Variants in BMP7 observed in about 807,000 individuals in gnomAD.
BMP7 encodes the protein bone morphogenetic protein 7, also known as osteogenic protein 1.
In BMP7, 12 loss-of-function variants were observed where a neutral mutation model predicts 41.2. The observed-to-expected ratio is 0.29, with a 90% CI of 0.19 to 0.47. The LOEUF is 0.47. Among genes scored for constraint, BMP7 ranks in the 20% least tolerant of loss-of-function variants. The pLI is 0.99. For synonymous variants in BMP7, 248 were observed against 250.0 expected (o/e 0.99, Z 0.07); for missense variants, 467 against 606.0 (o/e 0.77, Z 2.41).
chr20:57,177,867 C>G (rs1983969475), intron 4 of BMP7: 1 of 152,186 alleles, frequency 6.6e-6, no homozygotes. Flanking sequence ...GGCCTGCATG[C>G]CTTGTGGAGT....
At chr20:57,234,997 A>G (rs1374548216) in intron 1 of BMP7, among the ~76,000 whole-genome samples, 1 of 152,250 alleles carries the variant, frequency 6.6e-6, no homozygotes, top group East Asian at 1.9e-4. Flanking sequence ...ATTTATTACC[A>G]GCTCCGAAGT....
chr20:57,194,627 A>T (rs1281145959), intron 3 of BMP7, among the ~76,000 whole-genome samples: 2 of 152,228 alleles, frequency 1.3e-5, no homozygotes, highest in South Asian at 4.1e-4. Context: ...TTCTGGGTAC[A>T]GTTGATTCCA....
In BMP7 at chr20:57,228,872, T is replaced by C. The variant is rs1050790110; in HGVS notation, c.419-451A>G. Among the ~76,000 whole-genome samples, 3 of 152,232 alleles carry C rather than the reference T, an allele frequency of 2.0e-5. No homozygotes were observed. Among genetic ancestry groups the C allele is most frequent in the Non-Finnish European group, 4.4e-5 (3 of 68,038 alleles). ...TTCATGGGTTATGGTCAGGGTTGAA[T>C]GATCTCATTCACACAAATAGTTTAA... On this transcript the variant is annotated intron_variant, in intron 1 of 6. Transcript: ENST00000395863. This position sits in a 1 kb window ranked among gnomAD's most constrained non-coding sequence, Gnocchi z 4.5.
chr20:57,252,629 A>G (rs2066118276), intron 1 of BMP7, among the ~76,000 whole-genome samples: 1 of 152,216 alleles, frequency 6.6e-6, no homozygotes, highest in African/African-American at 2.4e-5. Context: ...CTTGAGCTCC[A>G]TTTCAGTCTC....
At chr20:57,177,065 C>T (rs1029208490) in intron 4 of BMP7, among the ~76,000 whole-genome samples, 1 of 152,184 alleles carries the variant, frequency 6.6e-6, no homozygotes, top group Non-Finnish European at 1.5e-5. Context: ...CAAATTAGGA[C>T]ACCTCCTCAG....
chr20:57,190,738 A>G (rs555814576), intron 3 of BMP7, among the ~76,000 whole-genome samples: 1 of 152,200 alleles, frequency 6.6e-6, no homozygotes, highest in African/African-American at 2.4e-5. Context: ...GGATCCTCAC[A>G]CATACTACCC....
chr20:57,200,099 A>G (rs1984587600), intron 3 of BMP7, among the ~76,000 whole-genome samples: 1 of 152,262 alleles, frequency 6.6e-6, no homozygotes, highest in African/African-American at 2.4e-5. Context: ...TGTGAGCCAC[A>G]GCATCTACCT....
intron 1 of BMP7, among the ~76,000 whole-genome samples, chr20:57,242,770 A>C (rs1312019380): frequency 6.6e-6 from 1 of 152,170 alleles, no homozygotes; most frequent in African/African-American, 2.4e-5. Context: ...TGGGAGGGCA[A>C]GGTGGGTGGA....
rs113935833 is a variant in BMP7 at position 57,260,410 on chromosome 20, C to T, written c.418+5295G>A. ...GGTGTCTCCTCCCCGCTCCTGGTGA[C>T]GTCATCTCCTCAGCTCAACTCCACG... On this transcript the variant is annotated intron_variant, in intron 1 of 6. Transcript: ENST00000395863. Among the ~76,000 whole-genome samples the T allele has an allele frequency of 2.5e-4, 38 of 152,308 alleles. 1 individual carries two copies. Among genetic ancestry groups the T allele is most frequent in the East Asian group, 7.7e-4 (4 of 5,184 alleles).
Position 57,259,482 on chromosome 20 carries a change from T to A in BMP7, c.418+6223A>T, listed in dbSNP as rs1358776209. Among the ~76,000 whole-genome samples, 3 of 152,236 alleles carry A rather than the reference T, an allele frequency of 2.0e-5. No homozygotes were observed. The highest frequency in any genetic ancestry group is 4.4e-5 in the Non-Finnish European group (3 of 68,044). On this transcript the variant is annotated intron_variant, in intron 1 of 6. Coordinates refer to ENST00000395863, the MANE Select transcript of BMP7 (RefSeq NM_001719.3). This position sits in a 1 kb window ranked among gnomAD's most constrained non-coding sequence, Gnocchi z 4.7. Reference sequence around the variant, plus strand: ...CATCAATTAATGAAAAGCAGGGTTGTGTGAGAGGCTCTGGTTTGGAAATGC... The same window carrying A: ...CATCAATTAATGAAAAGCAGGGTTGAGTGAGAGGCTCTGGTTTGGAAATGC...
chr20:57,254,783 C>T (rs1185314716), intron 1 of BMP7, among the ~76,000 whole-genome samples: 2 of 152,102 alleles, frequency 1.3e-5, no homozygotes, highest in African/African-American at 2.4e-5. Flanking sequence ...GGGGAGTTTA[C>T]AATACTACAG....
chr20:57,265,603 G>A (rs1002555089), intron 1 of BMP7, 102 bp downstream of exon 1: 19 of 1,502,084 alleles, frequency 1.3e-5, no homozygotes, highest in Non-Finnish European at 1.7e-5. Flanking sequence ...TTTCAGCCAG[G>A]AGCGGAAAGC....
intron 1 of BMP7, among the ~76,000 whole-genome samples, chr20:57,245,027 C>T (rs2066084228): frequency 6.6e-6 from 1 of 152,188 alleles, no homozygotes; most frequent in African/African-American, 2.4e-5. Context: ...ATGCCCAGCC[C>T]CTGTCTCCCT....
rs555829507 is a variant in BMP7 at position 57,183,657 on chromosome 20, C to T, written c.958+65G>A. The T allele has an allele frequency of 2.1e-4, 336 of 1,600,236 alleles. 4 individuals are homozygous for T. The South Asian group carries it at 3.2e-3, about 15-fold the overall frequency. ...AATGGATTTTGAGTCAGTCTCCTGC[C>T]GGGTCCCGCCGGGGCCCTGCTGGGT... On this transcript the variant is annotated intron_variant, in intron 4 of 6. Transcript: ENST00000395863.
intron 1 of BMP7, among the ~76,000 whole-genome samples, chr20:57,250,339 A>ATATATC (rs10622993): frequency 0.17 from 24,700 of 145,896 alleles, 2,178 homozygotes; most frequent in Admixed American, 0.24. Context: ...AATATATAAT[A>ATATATC]TATATCTATA....
rs201174398 is a variant in BMP7 at position 57,183,852 on chromosome 20, G to A, written c.828C>T (p.Phe276=). 2 of 1,614,186 alleles carry A rather than the reference G, an allele frequency of 1.2e-6. No individual in the cohort carries two copies. The highest frequency in any genetic ancestry group is 4.5e-5 in the East Asian group (2 of 44,888). Residue 276 remains phenylalanine, a synonymous_variant, in exon 4 of 7, where the codon TTC becomes TTT. Coordinates refer to ENST00000395863, the MANE Select transcript of BMP7 (RefSeq NM_001719.3). ...GRHGPQNKQP[F]MVAFFKATEV... ...CCGTGGCCTTGAAGAAAGCCACCAT[G>A]AAGGGCTGCTTGTTCTGGGGCCCGT...
intron 1 of BMP7, among the ~76,000 whole-genome samples, chr20:57,244,946 C>T (rs1007292522): frequency 3.3e-5 from 5 of 152,226 alleles, no homozygotes; most frequent in African/African-American, 1.2e-4. Context: ...GCCTGGGTTC[C>T]ATCAGCCTAA....
intron 2 of BMP7, among the ~76,000 whole-genome samples, chr20:57,203,436 GT>G (rs757878426): frequency 4.5e-4 from 68 of 152,150 alleles, no homozygotes; most frequent in Non-Finnish European, 2.5e-4. Flanking sequence ...TGGATGGATG[GT>G]TGGATGGATA....
intron 1 of BMP7, among the ~76,000 whole-genome samples, chr20:57,258,047 G>T (rs1214482268): frequency 6.6e-6 from 1 of 152,094 alleles, no homozygotes; most frequent in Non-Finnish European, 1.5e-5. Flanking sequence ...TTTTGGAAAC[G>T]GTGCAAGTTT....
Sources: gnomAD v4.1 joint callset for allele counts (sites outside exome capture counted in the v4.1 genomes callset) on GRCh38, gnomAD v4.1.1 for gene constraint, Gnocchi (gnomAD v3.1) non-coding constraint, MANE v1.5 for transcripts, NCBI Gene and HGNC (gene_info 2026-07-23, HGNC 2026-07-21) for gene names.